NALF1: variants seen among roughly 807,000 people sequenced by gnomAD.
The protein encoded by NALF1 is family with sequence similarity 155 member A.
NALF1 carries 3 observed loss-of-function variants against 48.4 expected under a neutral mutation model. The observed-to-expected ratio is 0.06, with a 90% CI of 0.03 to 0.16. The LOEUF is 0.16. NALF1 is among the 10% of genes least tolerant of loss of function. The pLI is 1.00. For missense variants in NALF1, 526 were observed against 571.5 expected, an observed-to-expected ratio of 0.92 and a Z score of 0.81; for synonymous variants, 262 against 245.7, an observed-to-expected ratio of 1.07 and a Z score of -0.62.
chr13:107,846,648 A>C (rs1357098384), intron 1 of NALF1, among the ~76,000 whole-genome samples: 1 of 152,254 alleles, frequency 6.6e-6, no homozygotes, highest in Non-Finnish European at 1.5e-5. Flanking sequence ...AATTAGAAGA[A>C]TATCTAGCAT....
chr13:107,813,389 G>C (rs1879058513), intron 1 of NALF1, among the ~76,000 whole-genome samples: 1 of 152,096 alleles, frequency 6.6e-6, no homozygotes, highest in South Asian at 2.1e-4. Context: ...ACCAGCCTGA[G>C]GAAAGCCAAA....
At chr13:107,820,712 C>T (rs1430885443) in intron 1 of NALF1, among the ~76,000 whole-genome samples, 1 of 152,098 alleles carries the variant, frequency 6.6e-6, no homozygotes, top group African/African-American at 2.4e-5. Context: ...TTTCCCAGTC[C>T]TCACTAAATT....
At chr13:107,436,557 C>A (rs1220514521) in intron 1 of NALF1, among the ~76,000 whole-genome samples, 1 of 152,038 alleles carries the variant, frequency 6.6e-6, no homozygotes, top group Non-Finnish European at 1.5e-5. Context: ...CAGGAAACAA[C>A]GAATAAAAAG....
intron 1 of NALF1, among the ~76,000 whole-genome samples, chr13:107,290,707 T>C (rs1014340261): frequency 1.2e-4 from 18 of 152,222 alleles, no homozygotes; most frequent in African/African-American, 4.3e-4. Context: ...AACGGACTAA[T>C]ACAGATGTAT....
chr13:107,416,972 G>C (rs1202550603), intron 1 of NALF1, among the ~76,000 whole-genome samples: 1 of 152,120 alleles, frequency 6.6e-6, no homozygotes, highest in Non-Finnish European at 1.5e-5. Flanking sequence ...CTCCAGTGAG[G>C]GTGGGTTCCC....
At chr13:107,424,098 T>C (rs1743038283) in intron 1 of NALF1, among the ~76,000 whole-genome samples, 1 of 151,998 alleles carries the variant, frequency 6.6e-6, no homozygotes, top group Admixed American at 6.6e-5. Context: ...TTATTAACTG[T>C]AATTCTGCTG....
intron 1 of NALF1, among the ~76,000 whole-genome samples, chr13:107,229,665 C>A (rs569850722): frequency 6.6e-6 from 1 of 152,180 alleles, no homozygotes; most frequent in South Asian, 2.1e-4. Flanking sequence ...ATATTTTTAT[C>A]CCTGGTGTTA....
At chr13:107,542,135 A>G (rs946128024) in intron 1 of NALF1, among the ~76,000 whole-genome samples, 1 of 152,272 alleles carries the variant, frequency 6.6e-6, no homozygotes, top group Admixed American at 6.6e-5. Flanking sequence ...GTACAATGGA[A>G]TATTATTCAG....
At chr13:107,370,450 C>T (rs926093336) in intron 1 of NALF1, among the ~76,000 whole-genome samples, 10 of 152,122 alleles carry the variant, frequency 6.6e-5, no homozygotes, top group African/African-American at 2.4e-4. Flanking sequence ...ATCAGTAGAC[C>T]CTGGACCACT....
At chr13:107,550,540 G>T (rs556791416) in intron 1 of NALF1, among the ~76,000 whole-genome samples, 6 of 152,014 alleles carry the variant, frequency 3.9e-5, no homozygotes, top group South Asian at 2.1e-4. Context: ...AACCTTGTCC[G>T]CCAGCATCTC....
At chr13:107,174,635 T>G (rs1878879708) in intron 2 of NALF1, among the ~76,000 whole-genome samples, 1 of 151,710 alleles carries the variant, frequency 6.6e-6, no homozygotes, top group Non-Finnish European at 1.5e-5. Context: ...GAATACAGGC[T>G]TGAGCCACCG....
chr13:107,616,168 T>C (rs1467363739), intron 1 of NALF1, among the ~76,000 whole-genome samples: 1 of 152,198 alleles, frequency 6.6e-6, no homozygotes, highest in East Asian at 1.9e-4. Context: ...GAAACATCTA[T>C]TTAAAAGTTA....
chr13:107,351,780 A>C (rs80332965), intron 1 of NALF1, among the ~76,000 whole-genome samples: 10,161 of 152,240 alleles, frequency 0.067, 458 homozygotes, highest in African/African-American at 0.11. Flanking sequence ...TTTTAGGTTG[A>C]CACTGTCAAC....
intron 1 of NALF1, among the ~76,000 whole-genome samples, chr13:107,766,715 A>T (rs977978755): frequency 6.6e-6 from 1 of 152,226 alleles, no homozygotes; most frequent in Non-Finnish European, 1.5e-5. Flanking sequence ...TGAAAATAGA[A>T]GACAAATTTT....
At chr13:107,789,586 C>G (rs1437249631) in intron 1 of NALF1, among the ~76,000 whole-genome samples, 1 of 152,172 alleles carries the variant, frequency 6.6e-6, no homozygotes, top group Non-Finnish European at 1.5e-5. Flanking sequence ...GCAATGGCTA[C>G]ACCCCAAACA....
intron 1 of NALF1, among the ~76,000 whole-genome samples, chr13:107,316,630 G>T (rs1882155689): frequency 6.6e-6 from 1 of 152,136 alleles, no homozygotes; most frequent in African/African-American, 2.4e-5. Context: ...GTTTTGATTT[G>T]CATTTCTCTG....
chr13:107,840,502 G>A (rs1200405838), intron 1 of NALF1, among the ~76,000 whole-genome samples: 1 of 152,160 alleles, frequency 6.6e-6, no homozygotes, highest in Non-Finnish European at 1.5e-5. Flanking sequence ...TTGCATTTCA[G>A]GTGGCAAAAT....
At position 107,835,929 on chromosome 13, in the gene NALF1, C is replaced by T. The variant is rs552049039; in HGVS notation, c.915+29753G>A. Among the ~76,000 whole-genome samples the T allele has an allele frequency of 3.9e-5, 6 of 152,266 alleles. No homozygotes were observed. In the South Asian group the frequency reaches 1.2e-3, roughly 32 times the overall value. On this transcript the variant is annotated intron_variant, in intron 1 of 2. Transcript: ENST00000375915. ...ATCAGGAGAACCAACAAATCTTGGGCAAGGACCCAGGAAGCAGAAGCAGAA... is the reference window on the plus strand; with the variant it reads ...ATCAGGAGAACCAACAAATCTTGGGTAAGGACCCAGGAAGCAGAAGCAGAA...
chr13:107,682,223 T>C (rs1881323569), intron 1 of NALF1, among the ~76,000 whole-genome samples: 1 of 152,194 alleles, frequency 6.6e-6, no homozygotes, highest in Non-Finnish European at 1.5e-5. Context: ...TTGCCTTCAT[T>C]TTGAGAAGAA....
Sources: allele counts gnomAD v4.1 joint callset (sites outside exome capture counted in the v4.1 genomes callset), GRCh38; gene constraint gnomAD v4.1.1; transcripts MANE v1.5; gene names NCBI Gene and HGNC (gene_info 2026-07-23, HGNC 2026-07-21).